Variants in MECOM observed in about 807,000 individuals in gnomAD.
MECOM encodes histone-lysine N-methyltransferase MECOM.
Under a neutral mutation model 116.3 loss-of-function variants are expected in MECOM, and 13 were observed. That is an observed-to-expected ratio of 0.11 (90% CI 0.07 to 0.18). The LOEUF is 0.18. MECOM is among the 10% of genes least tolerant of loss of function. MECOM has a pLI of 1.00. For missense variants in MECOM, 1,299 were observed against 1,509.0 expected (o/e 0.86, Z 2.31); for synonymous variants, 528 against 535.2 (o/e 0.99, Z 0.19).
chr3:169,229,267 C>T (rs569466706), intron 2 of MECOM, among the ~76,000 whole-genome samples: 5 of 152,284 alleles, frequency 3.3e-5, no homozygotes, highest in African/African-American at 9.6e-5. Context: ...GTGCCATCCA[C>T]GCATGTGAGA....
chr3:169,534,113 A>G (rs778897917), intron 1 of MECOM, among the ~76,000 whole-genome samples: 3 of 152,192 alleles, frequency 2.0e-5, no homozygotes, highest in Admixed American at 6.5e-5. Context: ...TCCTGCACCC[A>G]GCAGATGCAC....
chr3:169,441,476 T>G (rs1743659982), intron 1 of MECOM, among the ~76,000 whole-genome samples: 1 of 152,074 alleles, frequency 6.6e-6, no homozygotes, highest in South Asian at 2.1e-4. Context: ...ACCCAAGAAT[T>G]CTATCTTTAT....
At chr3:169,550,805 G>A (rs1035709906) in intron 1 of MECOM, among the ~76,000 whole-genome samples, 1 of 150,800 alleles carries the variant, frequency 6.6e-6, no homozygotes. Flanking sequence ...ATAAATGAGA[G>A]ACAGGTTCCC....
intron 1 of MECOM, among the ~76,000 whole-genome samples, chr3:169,515,042 A>C (rs1199175008): frequency 6.6e-6 from 1 of 152,158 alleles, no homozygotes; most frequent in Non-Finnish European, 1.5e-5. Flanking sequence ...AGTTCCACCC[A>C]CATCCAACAA....
chr3:169,401,764 G>A (rs1277095095), intron 1 of MECOM, among the ~76,000 whole-genome samples: 1 of 152,184 alleles, frequency 6.6e-6, no homozygotes, highest in Non-Finnish European at 1.5e-5. Flanking sequence ...GGTATGAAAA[G>A]TATGAAAGAG....
chr3:169,268,924 C>G (rs1011512927), intron 2 of MECOM, among the ~76,000 whole-genome samples: 7 of 152,146 alleles, frequency 4.6e-5, no homozygotes, highest in Admixed American at 2.0e-4. Flanking sequence ...GGAAGACACA[C>G]AGTTTCTAAT....
At chr3:169,338,425 GT>G (rs1238726461) in intron 2 of MECOM, among the ~76,000 whole-genome samples, 2 of 152,072 alleles carry the variant, frequency 1.3e-5, no homozygotes, top group African/African-American at 4.8e-5. Context: ...CTGTGTCTTG[GT>G]CCCCACTGTG....
intron 2 of MECOM, among the ~76,000 whole-genome samples, chr3:169,235,653 C>T (rs1486250376): frequency 6.6e-6 from 1 of 151,870 alleles, no homozygotes; most frequent in Non-Finnish European, 1.5e-5. Flanking sequence ...TAAATGAAAA[C>T]ATATCTAAAT....
At chr3:169,524,381 C>T (rs113363641) in intron 1 of MECOM, among the ~76,000 whole-genome samples, 4 of 152,064 alleles carry the variant, frequency 2.6e-5, no homozygotes, top group Non-Finnish European at 4.4e-5. Flanking sequence ...TCAATCACTA[C>T]ACTAAACAAA....
chr3:169,491,991 A>G (rs1411833747), intron 1 of MECOM, among the ~76,000 whole-genome samples: 1 of 152,192 alleles, frequency 6.6e-6, no homozygotes, highest in East Asian at 1.9e-4. Context: ...TTAAATATCA[A>G]AGAAAACACT....
At chr3:169,382,879 A>AAAAAAAAAAAAAG (rs1358767356) in intron 1 of MECOM, among the ~76,000 whole-genome samples, 2 of 138,540 alleles carry the variant, frequency 1.4e-5, no homozygotes, top group South Asian at 2.4e-4. Context: ...AAAAATAAAA[A>AAAAAAAAAAAAAG]AAGAAGGTAA....
chr3:169,141,636 A>G (rs1738137972), intron 3 of MECOM, among the ~76,000 whole-genome samples: 1 of 152,044 alleles, frequency 6.6e-6, no homozygotes, highest in South Asian at 2.1e-4. Context: ...ATATGTGCTT[A>G]TAGGTGAATA....
At chr3:169,546,620 G>A (rs577193122) in intron 1 of MECOM, among the ~76,000 whole-genome samples, 167 of 152,234 alleles carry the variant, frequency 1.1e-3, no homozygotes, top group South Asian at 1.9e-3. Flanking sequence ...CAGCTCTCCT[G>A]GTAGTGTGTT....
chr3:169,494,524 T>C (rs1274094496), intron 1 of MECOM, among the ~76,000 whole-genome samples: 3 of 152,202 alleles, frequency 2.0e-5, no homozygotes, highest in Non-Finnish European at 2.9e-5. Flanking sequence ...GGTGTAAGCA[T>C]TGAAATACAT....
intron 1 of MECOM, among the ~76,000 whole-genome samples, chr3:169,571,541 C>T (rs1763908035): frequency 6.6e-6 from 1 of 152,132 alleles, no homozygotes; most frequent in South Asian, 2.1e-4. Flanking sequence ...CAAGACAATC[C>T]TAAGCAAAAA....
intron 2 of MECOM, among the ~76,000 whole-genome samples, chr3:169,335,421 A>G (rs1044158986): frequency 1.3e-5 from 2 of 152,126 alleles, no homozygotes; most frequent in Non-Finnish European, 1.5e-5. Context: ...ACAGAATACA[A>G]TTCTGTCCCT....
chr3:169,584,227 A>T (rs917233168), intron 1 of MECOM, among the ~76,000 whole-genome samples: 4 of 152,220 alleles, frequency 2.6e-5, no homozygotes, highest in Admixed American at 6.5e-5. Context: ...AAATTTTTTT[A>T]AATTAAAGAG....
intron 1 of MECOM, among the ~76,000 whole-genome samples, chr3:169,451,784 A>G (rs1163644229): frequency 6.6e-6 from 1 of 152,156 alleles, no homozygotes; most frequent in Non-Finnish European, 1.5e-5. Context: ...ATTCATAATT[A>G]CATATGAATA....
At position 169,084,311 on chromosome 3, in the gene MECOM, T is replaced by C; in HGVS notation, c.*598A>G. 4.4e-6 allele frequency: 1 copy of C among 228,486 alleles called. No individual in the cohort carries two copies. The highest frequency in any genetic ancestry group is 8.7e-6 in the Non-Finnish European group (1 of 115,166). 14.2% of individuals were successfully genotyped at this position (228,486 alleles called of 1,614,324 possible). A position where few individuals can be genotyped will look rare whatever the true frequency, so the allele number is the denominator to read the frequency against. Reference sequence around the variant, plus strand: ...CATAGTTTACAATATACACATACCCTTTTTCCCTAGTTTTAAACAATGTAC... The same window carrying C: ...CATAGTTTACAATATACACATACCCCTTTTCCCTAGTTTTAAACAATGTAC... On this transcript the variant is annotated 3_prime_UTR_variant, in exon 17 of 17. Coordinates refer to ENST00000651503, the MANE Select transcript of MECOM (RefSeq NM_004991.4).
Sources: allele counts gnomAD v4.1 joint callset (sites outside exome capture counted in the v4.1 genomes callset), GRCh38; gene constraint gnomAD v4.1.1; transcripts MANE v1.5; gene names NCBI Gene and HGNC (gene_info 2026-07-23, HGNC 2026-07-21).